SLC23A2: variants seen among roughly 807,000 people sequenced by gnomAD.
SLC23A2 encodes solute carrier family 23 member 2, also known as Na(+)/L-ascorbic acid transporter 2.
SLC23A2 carries 36 observed loss-of-function variants against 73.3 expected under a neutral mutation model. The ratio of observed to expected loss-of-function variants is 0.49; its 90% CI spans 0.38 to 0.65. The LOEUF is 0.65. SLC23A2 is among the 30% of genes least tolerant of loss of function. The pLI, the probability that SLC23A2 is intolerant of heterozygous loss-of-function variation, is 0.00. For missense variants in SLC23A2, 507 were observed against 841.6 expected, an observed-to-expected ratio of 0.60 and a Z score of 4.92; for synonymous variants, 343 against 327.3, an observed-to-expected ratio of 1.05 and a Z score of -0.52.
chr20:4,991,071 G>A (rs1166872141), intron 1 of SLC23A2, among the ~76,000 whole-genome samples: 1 of 152,022 alleles, frequency 6.6e-6, no homozygotes, highest in East Asian at 1.9e-4. Flanking sequence ...GGGTGGGAGG[G>A]AGGTGTGAGG....
Position 4,856,946 on chromosome 20 carries a change from G to T in SLC23A2, c.*26C>A. On this transcript the variant is annotated 3_prime_UTR_variant, in exon 17 of 17. Transcript: ENST00000338244. This position sits in a 1 kb window ranked among gnomAD's most constrained non-coding sequence, Gnocchi z 4.6. ...GAACTACAGATACATGCCTCACTGC[G>T]GCCAGGCCACAGGGCACAGCAAAGG... 6.7e-7 allele frequency: 1 copy of T among 1,482,246 alleles called. No homozygotes were observed. Among genetic ancestry groups the T allele is most frequent in the Admixed American group, 1.7e-5 (1 of 58,384 alleles). 91.8% of individuals were successfully genotyped at this position (1,482,246 alleles called of 1,614,324 possible).
chr20:4,882,353 C>T (rs529755680), intron 9 of SLC23A2, among the ~76,000 whole-genome samples: 1 of 151,698 alleles, frequency 6.6e-6, no homozygotes, highest in African/African-American at 2.4e-5. Flanking sequence ...CCAGCCTGGG[C>T]AACAGAGCGA....
In SLC23A2 at chr20:4,936,706, C is replaced by T. The variant is rs144632099; in HGVS notation, c.-154-3990G>A. ...GCAAACCCCTCCCCACCGTCCCCAGCGCTAGGAACACACAGTTCCATCCCG... is the reference window on the plus strand; with the variant it reads ...GCAAACCCCTCCCCACCGTCCCCAGTGCTAGGAACACACAGTTCCATCCCG... On this transcript the variant is annotated intron_variant, in intron 2 of 16. Transcript: ENST00000338244. Among the ~76,000 whole-genome samples, 331 of 152,322 alleles carry T rather than the reference C, an allele frequency of 2.2e-3. 1 individual carries two copies. In the Middle Eastern group the frequency reaches 0.024, roughly 11 times the overall value.
At chr20:4,877,857 G>A (rs529098777) in intron 9 of SLC23A2, among the ~76,000 whole-genome samples, 1 of 152,346 alleles carries the variant, frequency 6.6e-6, no homozygotes, top group East Asian at 1.9e-4. Flanking sequence ...TATGCACTGT[G>A]CCAGAAAGAG....
At chr20:4,865,537 A>G (rs1930159014) in intron 13 of SLC23A2, among the ~76,000 whole-genome samples, 1 of 152,196 alleles carries the variant, frequency 6.6e-6, no homozygotes, top group African/African-American at 2.4e-5. Context: ...TCAAATTTTA[A>G]TAAAAGGAAT....
intron 9 of SLC23A2, among the ~76,000 whole-genome samples, chr20:4,881,733 T>C (rs1440363117): frequency 6.6e-6 from 1 of 152,236 alleles, no homozygotes; most frequent in Non-Finnish European, 1.5e-5. Context: ...AAATTCTTCA[T>C]GTGCTGTATC....
chr20:4,931,188 A>T lies in SLC23A2; in HGVS notation c.108+1267T>A, dbSNP rs544147216. Among the ~76,000 whole-genome samples, 7 of 151,838 alleles carry T rather than the reference A, an allele frequency of 4.6e-5. 1 individual carries two copies. The South Asian group carries it at 1.5e-3, about 32-fold the overall frequency. Reference sequence around the variant, plus strand: ...GAGACCCTGTCTCTACAAAAGTAATAAAAAATATTAGCTGAGCATGGTGGC... The same window carrying T: ...GAGACCCTGTCTCTACAAAAGTAATTAAAAATATTAGCTGAGCATGGTGGC... On this transcript the variant is annotated intron_variant, in intron 3 of 16. Coordinates refer to ENST00000338244, the MANE Select transcript of SLC23A2 (RefSeq NM_005116.6).
intron 2 of SLC23A2, among the ~76,000 whole-genome samples, chr20:4,942,933 T>C (rs2087064733): frequency 6.6e-6 from 1 of 151,968 alleles, no homozygotes; most frequent in Admixed American, 6.6e-5. Flanking sequence ...CTATGTAAAA[T>C]TCATCTTTAA....
intron 2 of SLC23A2, among the ~76,000 whole-genome samples, chr20:4,955,397 A>C (rs1044241647): frequency 2.3e-5 from 3 of 132,636 alleles, no homozygotes; most frequent in Non-Finnish European, 3.3e-5. Flanking sequence ...ACACACACAC[A>C]CCCTAGAATA....
In SLC23A2 at chr20:4,883,674, C is replaced by T. The variant is rs771908002; in HGVS notation, c.792G>A (p.Glu264=). 7.7e-5 allele frequency: 125 copies of T among 1,613,426 alleles called. No homozygotes were observed. In the East Asian group the frequency reaches 2.8e-3, roughly 36 times the overall value. The part of the protein sequence containing the change: ...IGLSGFQAAG[E]RAGKHWGIAM... ...CAATGCCCCAGTGCTTCCCGGCTCT[C>T]TCCCCCGCTGCCTGGAAACCAGAGA... The change falls in exon 9 of 17, where the codon GAG becomes GAA. Residue 264 remains glutamate, a synonymous_variant. Coordinates refer to ENST00000338244, the MANE Select transcript of SLC23A2 (RefSeq NM_005116.6). This position sits in a 1 kb window ranked among gnomAD's most constrained non-coding sequence, Gnocchi z 4.5.
chr20:4,874,139 G>T (rs1568605162), intron 10 of SLC23A2, 47 bp from the exon 11 acceptor site: 2 of 1,580,562 alleles, frequency 1.3e-6, no homozygotes, highest in Non-Finnish European at 1.7e-6. Flanking sequence ...GGGCTCACAG[G>T]TGTTGGCAAA....
At chr20:4,925,274 T>C (rs1471821200) in intron 3 of SLC23A2, among the ~76,000 whole-genome samples, 1 of 152,144 alleles carries the variant, frequency 6.6e-6, no homozygotes, top group Non-Finnish European at 1.5e-5. Flanking sequence ...GGCACACAGT[T>C]CCTATTTTTA....
rs575021425 is a variant in SLC23A2 at position 4,999,462 on chromosome 20, A to G, written c.-282+1944T>C. Among the ~76,000 whole-genome samples the G allele has an allele frequency of 2.0e-5, 3 of 152,160 alleles. No homozygotes were observed. The South Asian group carries it at 6.2e-4, about 31-fold the overall frequency. On this transcript the variant is annotated intron_variant, in intron 1 of 16. Coordinates refer to ENST00000338244, the MANE Select transcript of SLC23A2 (RefSeq NM_005116.6). Reference sequence around the variant, plus strand: ...ACATAGACTAGAGTTTGCTCCATCAATGAGATAGATAGTATGGCATGAAAC... The same window carrying G: ...ACATAGACTAGAGTTTGCTCCATCAGTGAGATAGATAGTATGGCATGAAAC...
chr20:4,989,944 C>A (rs1332706164), intron 1 of SLC23A2, among the ~76,000 whole-genome samples: 1 of 152,168 alleles, frequency 6.6e-6, no homozygotes, highest in Non-Finnish European at 1.5e-5. Flanking sequence ...AAGGACTCCA[C>A]TTCCCAGCCC....
Position 4,894,717 on chromosome 20 carries a change from C to CATCT in SLC23A2, c.482+4837_482+4838insAGAT, listed in dbSNP as rs1568612934. Among the ~76,000 whole-genome samples the CATCT allele has an allele frequency of 2.0e-5, 3 of 152,316 alleles. No individual in the cohort carries two copies. In the East Asian group the frequency reaches 5.8e-4, roughly 29 times the overall value. On this transcript the variant is annotated intron_variant, in intron 6 of 16. Coordinates refer to ENST00000338244, the MANE Select transcript of SLC23A2 (RefSeq NM_005116.6). ...CCAAGTTCCCCCAGGCCCTCCCTTT[C>CATCT]GTCTGCAAAGACACACATCTGTTTC...
chr20:4,992,411 C>A (rs2087939962), intron 1 of SLC23A2, among the ~76,000 whole-genome samples: 1 of 150,146 alleles, frequency 6.7e-6, no homozygotes, highest in African/African-American at 2.5e-5. Flanking sequence ...TAATTATAGC[C>A]AATTTTTTTT....
intron 3 of SLC23A2, among the ~76,000 whole-genome samples, chr20:4,930,391 T>C (rs950630857): frequency 5.9e-5 from 9 of 152,196 alleles, no homozygotes; most frequent in African/African-American, 2.2e-4. Flanking sequence ...AGTTTCAAAA[T>C]TTTTCATTAT....
At chr20:4,860,760 G>C (rs1929930975) in intron 15 of SLC23A2, among the ~76,000 whole-genome samples, 1 of 152,232 alleles carries the variant, frequency 6.6e-6, no homozygotes, top group Admixed American at 6.5e-5. Flanking sequence ...AAGGAATGAG[G>C]CTGGGCACAG....
chr20:4,980,947 C>T (rs1253093954), intron 1 of SLC23A2, among the ~76,000 whole-genome samples: 2 of 152,216 alleles, frequency 1.3e-5, no homozygotes, highest in Non-Finnish European at 2.9e-5. Context: ...TAAGACAGGA[C>T]ACCAGTCCCG....
Sources: allele counts gnomAD v4.1 joint callset (sites outside exome capture counted in the v4.1 genomes callset), GRCh38; gene constraint gnomAD v4.1.1; non-coding constraint Gnocchi (gnomAD v3.1); transcripts MANE v1.5; gene names NCBI Gene and HGNC (gene_info 2026-07-23, HGNC 2026-07-21).